Variants in DNM3 observed in about 807,000 individuals in gnomAD.
DNM3 encodes the protein dynamin 3.
DNM3 carries 47 observed loss-of-function variants against 101.6 expected under a neutral mutation model. That is an observed-to-expected ratio of 0.46 (90% confidence interval 0.37 to 0.59). The LOEUF (loss-of-function observed/expected upper bound fraction) is 0.59. Among genes scored for constraint, DNM3 ranks in the 20% least tolerant of loss-of-function variants. The probability of loss-of-function intolerance (pLI) is 0.00; values close to 1 mark genes in which losing one functional copy is unlikely to be tolerated. For missense variants in DNM3, 849 were observed against 1,085.7 expected (o/e 0.78, Z 3.06); for synonymous variants, 385 against 387.9 (o/e 0.99, Z 0.09).
At chr1:172,174,157 A>T (rs949200387) in intron 14 of DNM3, among the ~76,000 whole-genome samples, 4 of 151,756 alleles carry the variant, frequency 2.6e-5, no homozygotes, top group African/African-American at 9.7e-5. Context: ...TACACTCTGC[A>T]AAATGAAGAC....
At position 171,953,488 on chromosome 1, in the gene DNM3, C is replaced by T. The variant is rs892502663; in HGVS notation, c.235+31667C>T. Reference sequence around the variant, plus strand: ...TGTTGCCCAGGCTGGAGTGCAGTGGCGTGATCTCAGCCCAGTGCAACTTCT... The same window carrying T: ...TGTTGCCCAGGCTGGAGTGCAGTGGTGTGATCTCAGCCCAGTGCAACTTCT... On this transcript the variant is annotated intron_variant, in intron 2 of 20. Transcript: ENST00000627582. Among the ~76,000 whole-genome samples the T allele has an allele frequency of 1.3e-4, 19 of 149,052 alleles. No individual in the cohort carries two copies. The Middle Eastern group carries it at 0.014, about 110-fold the overall frequency.
rs76654253 is a variant in DNM3, at chr1:172,084,475, A to T, written c.1493+2573A>T. ...TCTAAATGTGATATTTTGCCCCAAGACTCAGAGATAAATGTCCTTTCCATT... is the reference window on the plus strand; with the variant it reads ...TCTAAATGTGATATTTTGCCCCAAGTCTCAGAGATAAATGTCCTTTCCATT... On this transcript the variant is annotated intron_variant, in intron 12 of 20. Coordinates refer to ENST00000627582, the MANE Select transcript of DNM3 (RefSeq NM_015569.5). Among the ~76,000 whole-genome samples the T allele has an allele frequency of 6.0e-3, 908 of 152,246 alleles. 10 individuals are homozygous for T. Among genetic ancestry groups the T allele is most frequent in the African/African-American group, 0.021 (860 of 41,538 alleles).
At chr1:172,382,969 C>T (rs1362466649) in intron 18 of DNM3, among the ~76,000 whole-genome samples, 1 of 152,078 alleles carries the variant, frequency 6.6e-6, no homozygotes, top group Admixed American at 6.5e-5. Flanking sequence ...GCCCTAGTTT[C>T]AAAACTTACT....
intron 15 of DNM3, among the ~76,000 whole-genome samples, chr1:172,305,191 T>A (rs2064731449): frequency 6.6e-6 from 1 of 151,958 alleles, no homozygotes; most frequent in Non-Finnish European, 1.5e-5. Context: ...TAAAAAATGA[T>A]AAAGGGGATA....
intron 15 of DNM3, among the ~76,000 whole-genome samples, chr1:172,277,535 A>C (rs2063335226): frequency 6.6e-6 from 1 of 152,072 alleles, no homozygotes; most frequent in South Asian, 2.1e-4. Flanking sequence ...GATGTGGTCA[A>C]GTAGACATCA....
chr1:172,282,927 G>T (rs1245325819), intron 15 of DNM3, among the ~76,000 whole-genome samples: 1 of 152,140 alleles, frequency 6.6e-6, no homozygotes, highest in African/African-American at 2.4e-5. Context: ...CTTTGGGTGG[G>T]ACATATTTTT....
intron 1 of DNM3, among the ~76,000 whole-genome samples, chr1:171,884,165 T>C (rs1404658810): frequency 1.3e-5 from 2 of 152,172 alleles, no homozygotes; most frequent in Non-Finnish European, 2.9e-5. Context: ...TATCCTATAG[T>C]TTGTTAGTGG....
In DNM3 at chr1:172,246,166, G is replaced by A. The variant is rs576701106; in HGVS notation, c.1660-7407G>A. Among the ~76,000 whole-genome samples the A allele has an allele frequency of 4.6e-5, 7 of 152,208 alleles. No individual in the cohort carries two copies. In the East Asian group the frequency reaches 1.2e-3, roughly 25 times the overall value. On this transcript the variant is annotated intron_variant, in intron 14 of 20. Coordinates refer to ENST00000627582, the MANE Select transcript of DNM3 (RefSeq NM_015569.5). ...CCATGATCCGATCACTTCTCACCAG[G>A]TCCTTCCTCCAACATTGGGAATTAC...
chr1:172,244,200 A>C (rs1164404025), intron 14 of DNM3, among the ~76,000 whole-genome samples: 6 of 151,806 alleles, frequency 4.0e-5, no homozygotes, highest in African/African-American at 1.5e-4. Context: ...TGAACTCATC[A>C]TTTTTTATGG....
intron 1 of DNM3, among the ~76,000 whole-genome samples, chr1:171,893,031 C>A (rs1295619615): frequency 1.3e-5 from 2 of 149,888 alleles, no homozygotes; most frequent in African/African-American, 5.1e-5. Flanking sequence ...AACTAGAGTA[C>A]AGTGGTTATG....
intron 20 of DNM3, among the ~76,000 whole-genome samples, chr1:172,401,673 C>CTGTG (rs768737142): frequency 7.2e-5 from 11 of 152,284 alleles, no homozygotes; most frequent in Non-Finnish European, 1.5e-4. Flanking sequence ...GCTCCAAGTT[C>CTGTG]TGTGTTCTTT....
chr1:172,076,494 A>G (rs12090421), intron 11 of DNM3, among the ~76,000 whole-genome samples: 110 of 152,316 alleles, frequency 7.2e-4, no homozygotes, highest in African/African-American at 2.5e-3. Flanking sequence ...CATTCCATCA[A>G]TACCTAGTTT....
intron 6 of DNM3, among the ~76,000 whole-genome samples, chr1:172,034,742 ATGGAAAATGC>A (rs1342295983): frequency 6.6e-6 from 1 of 152,104 alleles, no homozygotes; most frequent in Non-Finnish European, 1.5e-5. Context: ...GATAATTTAT[ATGGAAAATGC>A]TGGAAAATGA....
intron 17 of DNM3, among the ~76,000 whole-genome samples, chr1:172,365,682 G>A (rs1221689007): frequency 1.3e-5 from 2 of 151,818 alleles, no homozygotes; most frequent in African/African-American, 2.4e-5. Context: ...TAAACCTCAA[G>A]GTGAGAAAAC....
chr1:172,339,888 G>A (rs546252175), intron 17 of DNM3, among the ~76,000 whole-genome samples: 4 of 152,336 alleles, frequency 2.6e-5, no homozygotes, highest in African/African-American at 9.6e-5. Context: ...AGAAAGGTGT[G>A]CTCAGGGTTC....
At chr1:172,238,675 A>G (rs949110872) in intron 14 of DNM3, among the ~76,000 whole-genome samples, 3 of 152,088 alleles carry the variant, frequency 2.0e-5, no homozygotes, top group Non-Finnish European at 1.5e-5. Flanking sequence ...AGTTGGTAAT[A>G]CAGAACAAAT....
chr1:172,024,199 G>T (rs2048039672), intron 4 of DNM3, among the ~76,000 whole-genome samples: 1 of 151,366 alleles, frequency 6.6e-6, no homozygotes, highest in Admixed American at 6.6e-5. Context: ...TTTCACAAAA[G>T]TTTCTATTGT....
At chr1:172,052,952 C>A (rs2050309670) in intron 10 of DNM3, among the ~76,000 whole-genome samples, 1 of 152,174 alleles carries the variant, frequency 6.6e-6, no homozygotes, top group African/African-American at 2.4e-5. Flanking sequence ...CTGAACATTA[C>A]TTTTAAGCCT....
intron 14 of DNM3, among the ~76,000 whole-genome samples, chr1:172,161,941 G>A (rs1052697172): frequency 6.6e-6 from 1 of 151,998 alleles, no homozygotes; most frequent in African/African-American, 2.4e-5. Context: ...TTATCCGTTG[G>A]GGTTGGGTAA....
Sources: gnomAD v4.1 joint callset for allele counts (sites outside exome capture counted in the v4.1 genomes callset) on GRCh38, gnomAD v4.1.1 for gene constraint, MANE v1.5 for transcripts, NCBI Gene and HGNC (gene_info 2026-07-23, HGNC 2026-07-21) for gene names.